The following SH3GL3 variants were observed in gnomAD, a reference collection of about 807,000 sequenced individuals.
SH3GL3 encodes SH3 domain containing GRB2 like 3, endophilin A3, also known as endophilin-A3.
In SH3GL3, 33 loss-of-function variants were observed where a neutral mutation model predicts 47.7. The observed-to-expected ratio is 0.69, with a 90% CI of 0.52 to 0.92. SH3GL3 has a LOEUF of 0.92. SH3GL3 is among the 40% of genes least tolerant of loss of function. The pLI, the probability that SH3GL3 is intolerant of heterozygous loss-of-function variation, is 0.00. For missense variants in SH3GL3, 363 were observed against 417.8 expected (o/e 0.87, Z 1.14); for synonymous variants, 155 against 148.8 (o/e 1.04, Z -0.30).
intron 8 of SH3GL3, among the ~76,000 whole-genome samples, chr15:83,595,396 C>A (rs1045882861): frequency 2.0e-5 from 3 of 151,926 alleles, no homozygotes; most frequent in African/African-American, 7.3e-5. Context: ...AACTACCTAC[C>A]CTGTACTATG....
chr15:83,518,655 ATAGTT>A (rs1178226959), intron 1 of SH3GL3, among the ~76,000 whole-genome samples: 2 of 152,160 alleles, frequency 1.3e-5, no homozygotes, highest in Non-Finnish European at 2.9e-5. Context: ...TGTTGGATGC[ATAGTT>A]TGCAAATATT....
intron 8 of SH3GL3, among the ~76,000 whole-genome samples, chr15:83,603,378 A>G (rs1418499606): frequency 6.6e-6 from 1 of 152,212 alleles, no homozygotes; most frequent in East Asian, 1.9e-4. Flanking sequence ...TCTTTCTTAG[A>G]TATAGCTCTT....
intron 1 of SH3GL3, among the ~76,000 whole-genome samples, chr15:83,483,732 G>A (rs950955239): frequency 1.3e-5 from 2 of 152,190 alleles, no homozygotes; most frequent in African/African-American, 4.8e-5. Flanking sequence ...ACTACCACAA[G>A]TGCTGTTGGT....
chr15:83,541,310 C>CAATTTTTTTTTT (rs1567318555), intron 1 of SH3GL3, among the ~76,000 whole-genome samples: 17 of 47,808 alleles, frequency 3.6e-4, no homozygotes, highest in African/African-American at 1.1e-3. Context: ...TATGGTAATT[C>CAATTTTTTTTTT]TATTTTTTTT....
intron 1 of SH3GL3, among the ~76,000 whole-genome samples, chr15:83,530,529 A>G (rs1271647131): frequency 1.3e-5 from 2 of 151,018 alleles, no homozygotes; most frequent in Admixed American, 6.6e-5. Context: ...TCTATTTCCT[A>G]TTTTGGTTCT....
chr15:83,589,275 C>T (rs1402459950), intron 8 of SH3GL3, among the ~76,000 whole-genome samples: 1 of 152,162 alleles, frequency 6.6e-6, no homozygotes, highest in African/African-American at 2.4e-5. Context: ...CAGTTCGCTT[C>T]CTAGATGTAG....
At chr15:83,539,924 G>C (rs1390212821) in intron 1 of SH3GL3, among the ~76,000 whole-genome samples, 1 of 152,130 alleles carries the variant, frequency 6.6e-6, no homozygotes, top group African/African-American at 2.4e-5. Flanking sequence ...TTTAAGAATA[G>C]AAAGGATACC....
intron 1 of SH3GL3, among the ~76,000 whole-genome samples, chr15:83,502,998 G>A (rs963894104): frequency 2.6e-5 from 4 of 152,104 alleles, no homozygotes; most frequent in African/African-American, 9.7e-5. Flanking sequence ...TTAATTGAGT[G>A]TTTGTAGTGG....
intron 1 of SH3GL3, among the ~76,000 whole-genome samples, chr15:83,471,563 A>C (rs2040828894): frequency 6.6e-6 from 1 of 152,238 alleles, no homozygotes; most frequent in Non-Finnish European, 1.5e-5. Context: ...GCCTAGCTGT[A>C]GCCAATCCAG....
chr15:83,476,115 A>G (rs535402913), intron 1 of SH3GL3, among the ~76,000 whole-genome samples: 1 of 152,196 alleles, frequency 6.6e-6, no homozygotes, highest in Non-Finnish European at 1.5e-5. Flanking sequence ...TAGTATGTCA[A>G]ATAGTATAAC....
downstream of SH3GL3, among the ~76,000 whole-genome samples, chr15:83,619,601 A>G (rs757899826): frequency 3.3e-5 from 5 of 152,214 alleles, no homozygotes; most frequent in East Asian, 1.9e-4. Context: ...GCTGTAGTCT[A>G]TTAAATGGGT....
intron 5 of SH3GL3, among the ~76,000 whole-genome samples, chr15:83,574,392 C>T (rs958088143): frequency 1.3e-5 from 2 of 152,176 alleles, no homozygotes; most frequent in Admixed American, 1.3e-4. Context: ...CCCTGTTGCT[C>T]TCAAGCCAGT....
At chr15:83,612,147 T>G (rs150756242) in intron 8 of SH3GL3, among the ~76,000 whole-genome samples, 1 of 152,224 alleles carries the variant, frequency 6.6e-6, no homozygotes, top group African/African-American at 2.4e-5. Context: ...CTTAGGCGAT[T>G]CCAGATTTAA....
intron 1 of SH3GL3, among the ~76,000 whole-genome samples, chr15:83,532,677 T>C (rs2043733049): frequency 6.6e-6 from 1 of 152,224 alleles, no homozygotes; most frequent in Non-Finnish European, 1.5e-5. Flanking sequence ...CTTACAGATC[T>C]AGGCTTATTT....
intron 1 of SH3GL3, among the ~76,000 whole-genome samples, chr15:83,489,886 G>GATAA (rs1300486013): frequency 6.9e-6 from 1 of 145,462 alleles, no homozygotes; most frequent in Non-Finnish European, 1.5e-5. Flanking sequence ...TAGATAGATA[G>GATAA]ATAATAGATA....
chr15:83,475,580 C>G (rs1429015968), intron 1 of SH3GL3, among the ~76,000 whole-genome samples: 1 of 152,144 alleles, frequency 6.6e-6, no homozygotes, highest in Admixed American at 6.5e-5. Flanking sequence ...TTGGTGTCAC[C>G]AAGTGCATTT....
chr15:83,472,723 A>C (rs1047048874), intron 1 of SH3GL3, among the ~76,000 whole-genome samples: 1 of 152,132 alleles, frequency 6.6e-6, no homozygotes, highest in African/African-American at 2.4e-5. Flanking sequence ...TTCTCATTCA[A>C]CTAGAAATCT....
chr15:83,525,935 T>C (rs1195993742), intron 1 of SH3GL3, among the ~76,000 whole-genome samples: 3 of 152,202 alleles, frequency 2.0e-5, no homozygotes, highest in African/African-American at 7.2e-5. Flanking sequence ...TTCTGTAATT[T>C]TTTTGACATC....
intron 1 of SH3GL3, among the ~76,000 whole-genome samples, chr15:83,523,101 GT>G (rs1290273602): frequency 1.3e-5 from 2 of 152,200 alleles, no homozygotes; most frequent in African/African-American, 4.8e-5. Flanking sequence ...AGGAAGTACA[GT>G]TGTAAAGTGT....
Sources: allele counts gnomAD v4.1 joint callset (sites outside exome capture counted in the v4.1 genomes callset), GRCh38; gene constraint gnomAD v4.1.1; transcripts MANE v1.5; gene names NCBI Gene and HGNC (gene_info 2026-07-23, HGNC 2026-07-21).